Variants in SMOC2 observed in about 807,000 individuals in gnomAD.
The protein encoded by SMOC2 is SPARC-related modular calcium-binding protein 2.
A neutral mutation model predicts 61.4 loss-of-function variants in SMOC2; 39 were observed. The ratio of observed to expected loss-of-function variants is 0.64; its 90% CI spans 0.49 to 0.83. The LOEUF (loss-of-function observed/expected upper bound fraction) is 0.83, where lower values mean the gene tolerates loss of function less well. Among genes scored for constraint, SMOC2 ranks in the 40% least tolerant of loss-of-function variants. The pLI is 0.00. For missense variants in SMOC2, 556 were observed against 592.9 expected (o/e 0.94, Z 0.65); for synonymous variants, 247 against 239.9 (o/e 1.03, Z -0.27).
intron 7 of SMOC2, among the ~76,000 whole-genome samples, chr6:168,580,568 G>T (rs568551797): frequency 7.9e-5 from 12 of 152,264 alleles, no homozygotes; most frequent in Non-Finnish European, 1.6e-4. Flanking sequence ...TTGAGACAGG[G>T]TCTCACTCTG....
intron 1 of SMOC2, among the ~76,000 whole-genome samples, chr6:168,487,414 A>G (rs1035978145): frequency 1.8e-4 from 27 of 152,326 alleles, no homozygotes; most frequent in African/African-American, 5.8e-4. Flanking sequence ...AATTGCTTCT[A>G]TATGGTGCAT....
chr6:168,492,553 A>G (rs182703000), intron 1 of SMOC2, among the ~76,000 whole-genome samples: 1 of 152,396 alleles, frequency 6.6e-6, no homozygotes, highest in African/African-American at 2.4e-5. Context: ...AAAGTGTGGC[A>G]GAAAATATAC....
At chr6:168,617,898 G>A (rs925659953) in intron 9 of SMOC2, among the ~76,000 whole-genome samples, 5 of 152,054 alleles carry the variant, frequency 3.3e-5, no homozygotes, top group Non-Finnish European at 5.9e-5. Flanking sequence ...CGGGGGTCGC[G>A]TCCAGCGCCT....
rs920860829 is a variant in SMOC2, at chr6:168,652,977, A to G, written c.1034A>G (p.His345Arg). The change falls in exon 11 of 13, where the codon CAT becomes CGT. Residue 345 changes from histidine to arginine, a missense_variant. Coordinates refer to ENST00000356284, the MANE Select transcript of SMOC2 (RefSeq NM_001166412.2). Reference sequence around the variant, plus strand: ...AGGCTCTCAGAACCCGACCCCAGCCATACCCTAGAGGAGCGGGTGGTGCAC... The same window carrying G: ...AGGCTCTCAGAACCCGACCCCAGCCGTACCCTAGAGGAGCGGGTGGTGCAC... ...SGRLSEPDPSHTLEERVVHWY... is the reference protein window; with the variant it reads ...SGRLSEPDPSRTLEERVVHWY... 6.8e-6 allele frequency: 11 copies of G among 1,613,778 alleles called. No homozygotes were observed. The highest frequency in any genetic ancestry group is 9.3e-6 in the Non-Finnish European group (11 of 1,179,948).
intron 9 of SMOC2, among the ~76,000 whole-genome samples, chr6:168,623,646 T>G (rs1786307026): frequency 6.6e-6 from 1 of 152,076 alleles, no homozygotes; most frequent in African/African-American, 2.4e-5. Flanking sequence ...AATAATTATT[T>G]TTTTTATTTT....
intron 2 of SMOC2, 67 bp from the exon 3 acceptor site, chr6:168,526,279 T>G (rs1052393268): frequency 2.8e-6 from 4 of 1,422,342 alleles, no homozygotes; most frequent in East Asian, 4.6e-5. Context: ...CATCTTTCAA[T>G]GTTCCTATAT....
Position 168,601,721 on chromosome 6 carries a change from C to G in SMOC2, c.824+2717C>G, listed in dbSNP as rs143397187. Among the ~76,000 whole-genome samples, 600 of 152,258 alleles carry G rather than the reference C, an allele frequency of 3.9e-3. 4 individuals are homozygous for G. The highest frequency in any genetic ancestry group is 0.014 in the African/African-American group (563 of 41,538). On this transcript the variant is annotated intron_variant, in intron 8 of 12. Transcript: ENST00000356284. ...ATGAAAATCTTTAAGCTGTCAAACC[C>G]AGAGCTCCTCAAACTGGCTCTGAAA...
chr6:168,541,365 C>T (rs756030706), intron 4 of SMOC2, among the ~76,000 whole-genome samples: 2 of 152,174 alleles, frequency 1.3e-5, no homozygotes, highest in African/African-American at 2.4e-5. Context: ...AGACACTGTG[C>T]GTATCAGTCA....
intron 1 of SMOC2, among the ~76,000 whole-genome samples, chr6:168,442,565 C>T (rs1781239568): frequency 1.3e-5 from 2 of 152,356 alleles, no homozygotes; most frequent in Admixed American, 6.5e-5. Flanking sequence ...GTAGTGAGAA[C>T]GCCTCTGGTG....
At chr6:168,610,998 G>A (rs1583158145) in intron 9 of SMOC2, among the ~76,000 whole-genome samples, 2 of 152,100 alleles carry the variant, frequency 1.3e-5, no homozygotes, top group South Asian at 2.1e-4. Context: ...CTTCTTCTTG[G>A]ACAGGTTCAC....
intron 10 of SMOC2, 140 bp from the exon 11 acceptor site, chr6:168,652,814 T>C (rs1787228594): frequency 3.0e-6 from 2 of 663,954 alleles, no homozygotes; most frequent in African/African-American, 1.8e-5. Flanking sequence ...AATTGTTATA[T>C]CTGATGACCA....
intron 7 of SMOC2, among the ~76,000 whole-genome samples, chr6:168,559,190 T>C (rs548298811): frequency 2.6e-5 from 4 of 152,306 alleles, no homozygotes; most frequent in African/African-American, 9.6e-5. Flanking sequence ...GTGTGGTGTC[T>C]CGTGCCTGTA....
chr6:168,656,052 G>A (rs574939315), intron 11 of SMOC2, among the ~76,000 whole-genome samples: 1 of 152,338 alleles, frequency 6.6e-6, no homozygotes, highest in South Asian at 2.1e-4. Flanking sequence ...ACTGTCCTTG[G>A]GGATCTGTTT....
At chr6:168,529,422 G>A (rs73791058) in intron 4 of SMOC2, among the ~76,000 whole-genome samples, 10,868 of 152,216 alleles carry the variant, frequency 0.071, 540 homozygotes, top group East Asian at 0.24. Context: ...TCCACGTCGG[G>A]GCAGGGTTCC....
chr6:168,448,106 A>G (rs558936895), intron 1 of SMOC2, among the ~76,000 whole-genome samples: 1 of 152,158 alleles, frequency 6.6e-6, no homozygotes, highest in Non-Finnish European at 1.5e-5. Flanking sequence ...TCAGGCCCAA[A>G]CCGACCTGCG....
intron 7 of SMOC2, among the ~76,000 whole-genome samples, chr6:168,597,658 G>A (rs1031472424): frequency 1.3e-5 from 2 of 152,206 alleles, no homozygotes; most frequent in African/African-American, 2.4e-5. Context: ...CTTCAAAGCA[G>A]GCTTAAAGCA....
intron 11 of SMOC2, among the ~76,000 whole-genome samples, chr6:168,657,226 G>C (rs1583192437): frequency 6.6e-6 from 1 of 152,362 alleles, no homozygotes; most frequent in East Asian, 1.9e-4. Context: ...CAGCCATCCT[G>C]AGGGGGACGA....
Position 168,499,756 on chromosome 6 carries a change from C to A in SMOC2, c.85-10159C>A, listed in dbSNP as rs374904166. ...GGAGCCCGTGAGGAGCTACACATTT[C>A]ATTTTTTTAACCAGAACCAATAGGG... On this transcript the variant is annotated intron_variant, in intron 1 of 12. Transcript: ENST00000356284. Among the ~76,000 whole-genome samples, 51 of 152,320 alleles carry A rather than the reference C, an allele frequency of 3.3e-4. No homozygotes were observed. The East Asian group carries it at 5.2e-3, about 16-fold the overall frequency.
chr6:168,520,333 A>C (rs920510724), intron 2 of SMOC2, among the ~76,000 whole-genome samples: 1 of 152,212 alleles, frequency 6.6e-6, no homozygotes, highest in African/African-American at 2.4e-5. Context: ...AAAATCAATA[A>C]AAGCCATGCC....
Sources: allele counts gnomAD v4.1 joint callset (sites outside exome capture counted in the v4.1 genomes callset), GRCh38; gene constraint gnomAD v4.1.1; transcripts MANE v1.5; gene names NCBI Gene and HGNC (gene_info 2026-07-23, HGNC 2026-07-21).